The following ERI3 variants were observed in gnomAD, a reference collection of about 807,000 sequenced individuals.
ERI3 encodes ERI1 exoribonuclease 3.
A neutral mutation model predicts 44.4 loss-of-function variants in ERI3; 18 were observed. The ratio of observed to expected loss-of-function variants is 0.41; its 90% CI spans 0.28 to 0.60. The LOEUF (loss-of-function observed/expected upper bound fraction) is 0.60, where lower values mean the gene tolerates loss of function less well. ERI3 is among the 20% of genes least tolerant of loss of function. The pLI is 0.36. For synonymous variants in ERI3, 183 were observed against 164.8 expected, an observed-to-expected ratio of 1.11 and a Z score of -0.84; for missense variants, 294 against 435.5, an observed-to-expected ratio of 0.68 and a Z score of 2.89.
At chr1:44,322,752 C>A in intron 3 of ERI3, 1 of 1,549,908 alleles carries the variant, frequency 6.5e-7, no homozygotes, top group Non-Finnish European at 8.7e-7. Context: ...CCAGTACTTC[C>A]ATACTTCCCA....
At chr1:44,257,163 A>G (rs956432957) in intron 7 of ERI3, among the ~76,000 whole-genome samples, 2 of 152,206 alleles carry the variant, frequency 1.3e-5, no homozygotes, top group Non-Finnish European at 2.9e-5. Flanking sequence ...GTCACTGCAT[A>G]ACGATATAAT....
chr1:44,255,558 T>C (rs567401113), intron 7 of ERI3, among the ~76,000 whole-genome samples: 4 of 152,324 alleles, frequency 2.6e-5, no homozygotes, highest in Non-Finnish European at 4.4e-5. Flanking sequence ...TCTTCAACCT[T>C]TCTAATTTCC....
At position 44,241,909 on chromosome 1, in the gene ERI3, A is replaced by G; in HGVS notation, c.931+6030T>C. ...ACTCACCCACCCATCTAGTCCATCA[A>G]CTCACCCATCCATCTAGCCATTCTT... is the stretch of plus-strand genomic sequence containing the variant. On this transcript the variant is annotated intron_variant, in intron 8 of 8. Transcript: ENST00000372257. This position sits in a 1 kb window ranked among gnomAD's most constrained non-coding sequence, Gnocchi z 5.6. The G allele has an allele frequency of 2.0e-6, 2 of 980,330 alleles. No individual in the cohort carries two copies. The highest frequency in any genetic ancestry group is 2.4e-6 in the Non-Finnish European group (2 of 825,064). 60.7% of individuals were successfully genotyped at this position (980,330 alleles called of 1,614,324 possible).
rs966973446 is a variant in ERI3, at chr1:44,235,396, T to C, written c.931+12543A>G. 6.6e-6 allele frequency among the ~76,000 whole-genome samples: 1 copy of C among 152,140 alleles called. No homozygotes were observed. Among genetic ancestry groups the C allele is most frequent in the Admixed American group, 6.5e-5 (1 of 15,284 alleles). On this transcript the variant is annotated intron_variant, in intron 8 of 8. Transcript: ENST00000372257. The surrounding 1 kb of genome is among the most constrained non-coding windows in gnomAD (Gnocchi z 4.6). ...AGGTGCCTTCCCCCCATCCCGCCTT[T>C]GTGTTAGGAACCTCTTCTGTGTGCT...
chr1:44,221,766 G>T lies in ERI3; in HGVS notation c.932-126C>A. 1 of 725,550 alleles carries T rather than the reference G, an allele frequency of 1.4e-6. No individual in the cohort carries two copies. Among genetic ancestry groups the T allele is most frequent in the Non-Finnish European group, 2.4e-6 (1 of 419,592 alleles). 44.9% of individuals were successfully genotyped at this position (725,550 alleles called of 1,614,324 possible). A position where few individuals can be genotyped will look rare whatever the true frequency, so the allele number is the denominator to read the frequency against. The stretch of plus-strand genomic sequence containing the variant: ...GGAGACACAGGCTTTAGAGAGGGTG[G>T]TCCCATCCCCTGGTGGCAGCATTCC... On this transcript the variant is annotated intron_variant, in intron 8 of 8. Transcript: ENST00000372257. This position sits in a 1 kb window ranked among gnomAD's most constrained non-coding sequence, Gnocchi z 5.9.
At chr1:44,234,446 G>C (rs890520831) in intron 8 of ERI3, among the ~76,000 whole-genome samples, 1 of 151,768 alleles carries the variant, frequency 6.6e-6, no homozygotes, top group Non-Finnish European at 1.5e-5. Flanking sequence ...GGCAAATCAC[G>C]AGGTCAGGAT....
chr1:44,338,465 T>C (rs867287548), intron 3 of ERI3, among the ~76,000 whole-genome samples: 98 of 151,664 alleles, frequency 6.5e-4, no homozygotes, highest in African/African-American at 2.3e-3. Flanking sequence ...CCTACACACA[T>C]GTGCCTCTCC....
At chr1:44,342,830 T>TATATAA (rs1646691897) in intron 2 of ERI3, among the ~76,000 whole-genome samples, 2 of 27,868 alleles carry the variant, frequency 7.2e-5, no homozygotes, top group African/African-American at 1.8e-4. Context: ...TATATATATA[T>TATATAA]ATATATATAT....
At chr1:44,322,678 T>G (rs1012456367) in intron 3 of ERI3, 3 of 1,510,092 alleles carry the variant, frequency 2.0e-6, no homozygotes, top group Non-Finnish European at 2.7e-6. Flanking sequence ...GAGAAAAGAC[T>G]CTCTGAGAAA....
chr1:44,221,452 G>T lies in ERI3; in HGVS notation c.*106C>A, dbSNP rs1643896063. On this transcript the variant is annotated 3_prime_UTR_variant, in exon 9 of 9. Transcript: ENST00000372257. This position sits in a 1 kb window ranked among gnomAD's most constrained non-coding sequence, Gnocchi z 5.9. Reference sequence around the variant, plus strand: ...CCACAGGGCAGCTGGGGACACTCTGGACACAGAGCTATGCCACTCTCCCTC... The same window carrying T: ...CCACAGGGCAGCTGGGGACACTCTGTACACAGAGCTATGCCACTCTCCCTC... 6.3e-6 allele frequency: 6 copies of T among 959,506 alleles called. No homozygotes were observed. The highest frequency in any genetic ancestry group is 2.5e-5 in the East Asian group (1 of 40,442). 59.4% of individuals were successfully genotyped at this position (959,506 alleles called of 1,614,324 possible).
chr1:44,322,825 T>C lies in ERI3; in HGVS notation c.490-3081A>G, dbSNP rs1297206937. 10 of 1,550,018 alleles carry C rather than the reference T, an allele frequency of 6.5e-6. 1 individual carries two copies. The highest frequency in any genetic ancestry group is 5.9e-5 in the Admixed American group (3 of 50,942). On this transcript the variant is annotated intron_variant, in intron 3 of 8. Coordinates refer to ENST00000372257, the MANE Select transcript of ERI3 (RefSeq NM_024066.3). The stretch of plus-strand genomic sequence containing the variant: ...GAGAGGTGCCCCAATCTGCACCAAG[T>C]TGGCACAACTCTGCAGCCAGGGCAC...
intron 3 of ERI3, among the ~76,000 whole-genome samples, chr1:44,336,746 C>G (rs1291905725): frequency 6.6e-6 from 1 of 152,248 alleles, no homozygotes; most frequent in Non-Finnish European, 1.5e-5. Flanking sequence ...ATAAGCAAGA[C>G]AGCAAATGCT....
chr1:44,316,739 G>A (rs1227943270), intron 4 of ERI3, among the ~76,000 whole-genome samples: 4 of 152,068 alleles, frequency 2.6e-5, no homozygotes, highest in African/African-American at 9.7e-5. Flanking sequence ...CCCTTTACTG[G>A]CACTTAGCAA....
chr1:44,316,049 G>C (rs1274221988), intron 4 of ERI3, among the ~76,000 whole-genome samples: 1 of 150,868 alleles, frequency 6.6e-6, no homozygotes, highest in East Asian at 1.9e-4. Flanking sequence ...TAAGACACGT[G>C]TAAGGTTTAT....
At chr1:44,310,949 C>T (rs1334543625) in intron 5 of ERI3, among the ~76,000 whole-genome samples, 5 of 106,960 alleles carry the variant, frequency 4.7e-5, no homozygotes, top group Non-Finnish European at 7.9e-5. Flanking sequence ...TGTATGTGCA[C>T]ATCGCGCGCG....
At chr1:44,342,103 C>G (rs1295382253) in intron 2 of ERI3, among the ~76,000 whole-genome samples, 1 of 152,106 alleles carries the variant, frequency 6.6e-6, no homozygotes, top group Non-Finnish European at 1.5e-5. Context: ...TTAGGTGCAG[C>G]AGAAGAGGGC....
At chr1:44,232,567 G>A (rs1479025316) in intron 8 of ERI3, among the ~76,000 whole-genome samples, 6 of 152,072 alleles carry the variant, frequency 3.9e-5, no homozygotes, top group Admixed American at 2.6e-4. Context: ...TGCCATTCTC[G>A]GCATGTGGTT....
rs564077736 is a variant in ERI3, at chr1:44,252,148, A to G, written c.832-4110T>C. ...TAGGAAGATGACTGAGGTGCTCCTG[A>G]GTCCTGTCCAGGGCAGGTACTGATG... is the stretch of plus-strand genomic sequence containing the variant. On this transcript the variant is annotated intron_variant, in intron 7 of 8. Coordinates refer to ENST00000372257, the MANE Select transcript of ERI3 (RefSeq NM_024066.3). The surrounding 1 kb of genome is among the most constrained non-coding windows in gnomAD (Gnocchi z 4.7). Among the ~76,000 whole-genome samples the G allele has an allele frequency of 1.3e-5, 2 of 152,328 alleles. No individual in the cohort carries two copies. Among genetic ancestry groups the G allele is most frequent in the Non-Finnish European group, 1.5e-5 (1 of 68,024 alleles).
Position 44,242,072 on chromosome 1 carries a change from G to C in ERI3, c.931+5867C>G. 4.1e-6 allele frequency: 4 copies of C among 985,610 alleles called. No individual in the cohort carries two copies. The African/African-American group carries it at 7.0e-5, about 17-fold the overall frequency. 61.1% of individuals were successfully genotyped at this position (985,610 alleles called of 1,614,324 possible). On this transcript the variant is annotated intron_variant, in intron 8 of 8. Coordinates refer to ENST00000372257, the MANE Select transcript of ERI3 (RefSeq NM_024066.3). The stretch of plus-strand genomic sequence containing the variant: ...CCCCAGGCACTATCCAGGCAGGCCA[G>C]TGCAGACCCTGTCAATGATGGGAGA...
Sources: gnomAD v4.1 joint callset for allele counts (sites outside exome capture counted in the v4.1 genomes callset) on GRCh38, gnomAD v4.1.1 for gene constraint, Gnocchi (gnomAD v3.1) non-coding constraint, MANE v1.5 for transcripts, NCBI Gene and HGNC (gene_info 2026-07-23, HGNC 2026-07-21) for gene names.